Variants in AFF3 observed in about 807,000 individuals in gnomAD.
AFF3 encodes the protein AF4/FMR2 family member 3.
A neutral mutation model predicts 129.7 loss-of-function variants in AFF3; 32 were observed. The observed-to-expected ratio is 0.25, with a 90% CI of 0.19 to 0.33. The LOEUF (loss-of-function observed/expected upper bound fraction) is 0.33, where lower values mean the gene tolerates loss of function less well. Ranked by LOEUF, AFF3 falls within the 10% of genes least tolerant of loss-of-function variation. The pLI is 1.00. For missense variants in AFF3, 1,373 were observed against 1,592.0 expected, an observed-to-expected ratio of 0.86 and a Z score of 2.34; for synonymous variants, 644 against 635.4, an observed-to-expected ratio of 1.01 and a Z score of -0.20.
intron 7 of AFF3, among the ~76,000 whole-genome samples, chr2:99,987,315 T>C (rs1224953157): frequency 6.6e-6 from 1 of 152,210 alleles, no homozygotes; most frequent in Non-Finnish European, 1.5e-5. Flanking sequence ...TCATAGACGA[T>C]GTGTACCTAG....
intron 2 of AFF3, among the ~76,000 whole-genome samples, chr2:100,114,717 C>T (rs1296249430): frequency 6.6e-6 from 1 of 152,100 alleles, no homozygotes; most frequent in Non-Finnish European, 1.5e-5. Context: ...CATCCTTTCA[C>T]TAACAGAAAG....
intron 4 of AFF3, among the ~76,000 whole-genome samples, chr2:100,021,513 C>A (rs1683600763): frequency 6.6e-6 from 1 of 152,166 alleles, no homozygotes; most frequent in Non-Finnish European, 1.5e-5. Context: ...CTGAGTCCTA[C>A]ATTTTATTTA....
At chr2:99,982,198 T>C (rs1169925653) in intron 7 of AFF3, among the ~76,000 whole-genome samples, 1 of 152,162 alleles carries the variant, frequency 6.6e-6, no homozygotes, top group Non-Finnish European at 1.5e-5. Flanking sequence ...GTAGATTCCA[T>C]AATTTCCATG....
At chr2:99,573,878 C>A (rs1487071733) in intron 18 of AFF3, among the ~76,000 whole-genome samples, 1 of 152,170 alleles carries the variant, frequency 6.6e-6, no homozygotes, top group South Asian at 2.1e-4. Context: ...CTCCAGGGAG[C>A]GGCAGGCAGC....
chr2:99,588,142 T>G (rs1241900946), intron 15 of AFF3, among the ~76,000 whole-genome samples: 1 of 152,112 alleles, frequency 6.6e-6, no homozygotes, highest in East Asian at 1.9e-4. Context: ...TCTAAAACAG[T>G]ACTTTGATTG....
In AFF3 at chr2:99,593,345, C is replaced by G. The variant is rs773555237; in HGVS notation, c.2316G>C (p.Leu772=). The change falls in exon 15 of 25, where the codon CTG becomes CTC. Residue 772 remains leucine (L), a synonymous_variant. Coordinates refer to ENST00000672756, the MANE Select transcript of AFF3 (RefSeq NM_001386135.1). ...EIRSLWVKID[L]TLLSRIPEHL... ...GTTCTGGGATCCTGGACAGGAGGGT[C>G]AGGTCGATTTTGACCCAGAGAGACC... 1.9e-6 allele frequency: 3 copies of G among 1,614,038 alleles called. No individual in the cohort carries two copies. In the Admixed American group the frequency reaches 5.0e-5, roughly 27 times the overall value.
chr2:100,107,521 G>T (rs1238771654), intron 2 of AFF3: 5 of 984,922 alleles, frequency 5.1e-6, no homozygotes, highest in Non-Finnish European at 6.0e-6. Context: ...CTATGAAGCT[G>T]CCTTAGCTTT....
intron 7 of AFF3, among the ~76,000 whole-genome samples, chr2:99,837,782 C>CT (rs1316850398): frequency 6.6e-6 from 1 of 152,046 alleles, no homozygotes; most frequent in Non-Finnish European, 1.5e-5. Flanking sequence ...AACCACCCTA[C>CT]TTTAAGTGGG....
chr2:99,736,680 G>GTCTTT (rs1680290774), intron 10 of AFF3, among the ~76,000 whole-genome samples: 6 of 147,570 alleles, frequency 4.1e-5, no homozygotes, highest in African/African-American at 1.3e-4. Flanking sequence ...CACAATCTTG[G>GTCTTT]CTCACTGCAA....
At chr2:99,769,900 T>C (rs1683331995) in intron 8 of AFF3, among the ~76,000 whole-genome samples, 2 of 152,128 alleles carry the variant, frequency 1.3e-5, no homozygotes, top group African/African-American at 4.8e-5. Flanking sequence ...TGGGGTGACA[T>C]AAGCACCCCT....
At chr2:99,966,813 T>C (rs1677828550) in intron 7 of AFF3, among the ~76,000 whole-genome samples, 4 of 151,450 alleles carry the variant, frequency 2.6e-5, no homozygotes, top group African/African-American at 9.7e-5. Flanking sequence ...TATCATAATA[T>C]TTATGAGGAA....
chr2:99,787,868 T>C (rs1407841127), intron 8 of AFF3, among the ~76,000 whole-genome samples: 7 of 152,334 alleles, frequency 4.6e-5, no homozygotes, highest in African/African-American at 2.4e-5. Context: ...AAAGTTGTTA[T>C]GATACTTCTC....
chr2:99,560,446 A>G lies in AFF3; in HGVS notation c.3120-10T>C, dbSNP rs571796922. Reference sequence around the variant, plus strand: ...TAGTCTCATAGCATACCTTAGAAAAAGCGGGGAGGAGGAATAGAATAAAAA... The same window carrying G: ...TAGTCTCATAGCATACCTTAGAAAAGGCGGGGAGGAGGAATAGAATAAAAA... On this transcript the variant is annotated splice_polypyrimidine_tract_variant and intron_variant, in intron 20 of 24. Coordinates refer to ENST00000672756, the MANE Select transcript of AFF3 (RefSeq NM_001386135.1). 5.6e-5 allele frequency: 91 copies of G among 1,611,102 alleles called. No homozygotes were observed. In the South Asian group the frequency reaches 9.6e-4, roughly 17 times the overall value.
intron 13 of AFF3, among the ~76,000 whole-genome samples, chr2:99,634,734 A>G (rs937841912): frequency 6.6e-6 from 1 of 151,718 alleles, no homozygotes; most frequent in African/African-American, 2.4e-5. Flanking sequence ...GCACTTTTCA[A>G]GTTTTTTTTT....
chr2:100,009,791 A>C (rs1358776987), intron 4 of AFF3, among the ~76,000 whole-genome samples: 1 of 152,218 alleles, frequency 6.6e-6, no homozygotes, highest in Non-Finnish European at 1.5e-5. Context: ...TTACTGAAGG[A>C]AGGAAATGCA....
chr2:99,611,782 A>G (rs9973326), intron 13 of AFF3, among the ~76,000 whole-genome samples: 82,230 of 151,254 alleles, frequency 0.54, 22,518 homozygotes, highest in African/African-American at 0.62. Flanking sequence ...AGCTACTTGG[A>G]AGGCTGAGGC....
intron 13 of AFF3, among the ~76,000 whole-genome samples, chr2:99,641,718 A>G (rs970467603): frequency 6.6e-6 from 1 of 152,170 alleles, no homozygotes; most frequent in Non-Finnish European, 1.5e-5. Context: ...AATGAAATGG[A>G]GTTTCATGGA....
rs764959996 is a variant in AFF3, at chr2:99,649,673, G to C, written c.1144-7C>G. 14 of 1,613,912 alleles carry C rather than the reference G, an allele frequency of 8.7e-6. No homozygotes were observed. Among genetic ancestry groups the C allele is most frequent in the Non-Finnish European group, 1.2e-5 (14 of 1,179,920 alleles). On this transcript the variant is annotated splice_polypyrimidine_tract_variant and splice_region_variant and intron_variant, in intron 12 of 24. Transcript: ENST00000672756. ...CCGTTCTCTGAGCTGCCTGCTGGAA[G>C]AAAGAAAGGGCAGAGATGTTTATTT... is the stretch of plus-strand genomic sequence containing the variant.
chr2:100,040,913 G>A (rs1455565685), intron 4 of AFF3, among the ~76,000 whole-genome samples: 2 of 152,214 alleles, frequency 1.3e-5, no homozygotes, highest in African/African-American at 4.8e-5. Context: ...GTGGCACTGG[G>A]GCTCACAGTC....
Sources: allele counts gnomAD v4.1 joint callset (sites outside exome capture counted in the v4.1 genomes callset), GRCh38; gene constraint gnomAD v4.1.1; transcripts MANE v1.5; gene names NCBI Gene and HGNC (gene_info 2026-07-23, HGNC 2026-07-21).